MVB12B: variants seen among roughly 807,000 people sequenced by gnomAD.
The protein encoded by MVB12B is ESCRT-I complex subunit MVB12B.
Under a neutral mutation model 41.6 loss-of-function variants are expected in MVB12B, and 16 were observed. The observed-to-expected ratio is 0.38, with a 90% CI of 0.26 to 0.58. MVB12B has a LOEUF of 0.58. MVB12B is among the 20% of genes least tolerant of loss of function. The pLI is 0.62. For synonymous variants in MVB12B, 133 were observed against 139.7 expected (o/e 0.95, Z 0.34); for missense variants, 274 against 380.2 (o/e 0.72, Z 2.32).
At chr9:126,499,360 C>G (rs1388787242) in intron 9 of MVB12B, among the ~76,000 whole-genome samples, 10 of 152,120 alleles carry the variant, frequency 6.6e-5, no homozygotes, top group Non-Finnish European at 1.5e-4. Flanking sequence ...GGCCTGTGCC[C>G]ACCAGAGGGC....
chr9:126,502,180 T>C (rs10987308), intron 9 of MVB12B, among the ~76,000 whole-genome samples: 83,415 of 152,040 alleles, frequency 0.55, 24,027 homozygotes, highest in African/African-American at 0.74. Context: ...CATGTGACCA[T>C]GAGGCTGCCT....
intron 3 of MVB12B, among the ~76,000 whole-genome samples, chr9:126,382,233 C>T (rs1480211124): frequency 6.6e-6 from 1 of 152,088 alleles, no homozygotes; most frequent in African/African-American, 2.4e-5. Context: ...GGCGTGTCCC[C>T]TTGGTGTTTT....
At chr9:126,408,995 G>C (rs1238558267) in intron 6 of MVB12B, among the ~76,000 whole-genome samples, 1 of 152,052 alleles carries the variant, frequency 6.6e-6, no homozygotes, top group Non-Finnish European at 1.5e-5. Context: ...GCGGGGTTTG[G>C]ATGGCCACCT....
At chr9:126,460,194 G>A (rs937212890) in intron 7 of MVB12B, among the ~76,000 whole-genome samples, 1 of 152,136 alleles carries the variant, frequency 6.6e-6, no homozygotes, top group Non-Finnish European at 1.5e-5. Flanking sequence ...TCGGCAGGGT[G>A]GACAAGGCTC....
chr9:126,366,884 A>G (rs530419753), intron 2 of MVB12B, among the ~76,000 whole-genome samples: 2 of 152,272 alleles, frequency 1.3e-5, no homozygotes, highest in Non-Finnish European at 2.9e-5. Context: ...GGACAAGCCC[A>G]CAAATCGTGA....
At position 126,466,270 on chromosome 9, in the gene MVB12B, G is replaced by A. The variant is rs79530203; in HGVS notation, c.758-15099G>A. ...CTGGGGATGCTCGTGTTTGCTCCAC[G>A]TGATCTCTCAGGCTCCAGGAGGCTT... On this transcript the variant is annotated intron_variant, in intron 7 of 9. Transcript: ENST00000361171. Among the ~76,000 whole-genome samples the A allele has an allele frequency of 4.6e-5, 7 of 152,278 alleles. No individual in the cohort carries two copies. The East Asian group carries it at 7.7e-4, about 17-fold the overall frequency.
At chr9:126,375,599 C>T (rs1298671828) in intron 2 of MVB12B, among the ~76,000 whole-genome samples, 1 of 152,086 alleles carries the variant, frequency 6.6e-6, no homozygotes, top group Non-Finnish European at 1.5e-5. Flanking sequence ...TGTGTGGGTT[C>T]TGTTTCCTGG....
At chr9:126,453,503 G>A (rs1457862835) in intron 7 of MVB12B, among the ~76,000 whole-genome samples, 3 of 152,194 alleles carry the variant, frequency 2.0e-5, no homozygotes, top group Non-Finnish European at 4.4e-5. Flanking sequence ...CTGCCTGTGT[G>A]GGCTGTAGAG....
In MVB12B at chr9:126,395,780, T is replaced by C; in HGVS notation, c.662+83T>C. On this transcript the variant is annotated intron_variant, in intron 6 of 9. Transcript: ENST00000361171. This position sits in a 1 kb window ranked among gnomAD's most constrained non-coding sequence, Gnocchi z 4.9. ...TTTTAGAACACCACCACTTAGTGTC[T>C]GCTGAAATACTGCAAAGTACAGCTG... 1 of 1,571,724 alleles carries C rather than the reference T, an allele frequency of 6.4e-7. No individual in the cohort carries two copies. The highest frequency in any genetic ancestry group is 8.6e-7 in the Non-Finnish European group (1 of 1,160,034).
chr9:126,466,575 C>G (rs547773962), intron 7 of MVB12B, among the ~76,000 whole-genome samples: 1 of 152,310 alleles, frequency 6.6e-6, no homozygotes, highest in East Asian at 1.9e-4. Flanking sequence ...TTTTTGCCAT[C>G]TACCACTGCA....
At chr9:126,426,447 T>C (rs943272118) in intron 7 of MVB12B, among the ~76,000 whole-genome samples, 1 of 152,212 alleles carries the variant, frequency 6.6e-6, no homozygotes, top group Non-Finnish European at 1.5e-5. Context: ...TGTTGATTTC[T>C]CTAGGTTCTA....
At chr9:126,476,077 C>T (rs926542062) in intron 7 of MVB12B, among the ~76,000 whole-genome samples, 10 of 152,154 alleles carry the variant, frequency 6.6e-5, no homozygotes, top group Non-Finnish European at 7.4e-5. Flanking sequence ...AGGGGTGGAG[C>T]GAGGCCGTCA....
chr9:126,434,397 C>T (rs535374239), intron 7 of MVB12B, among the ~76,000 whole-genome samples: 36 of 152,256 alleles, frequency 2.4e-4, no homozygotes, highest in African/African-American at 7.9e-4. Flanking sequence ...AGGTTGAGAT[C>T]CTTTGTTAGA....
chr9:126,331,716 G>A (rs2118785569), intron 1 of MVB12B, among the ~76,000 whole-genome samples: 1 of 152,350 alleles, frequency 6.6e-6, no homozygotes, highest in Non-Finnish European at 1.5e-5. Flanking sequence ...AGGTTGTACA[G>A]TAAGTGTCAG....
rs752704159 is a variant in MVB12B, at chr9:126,395,527, A to G, written c.540-48A>G. The stretch of plus-strand genomic sequence containing the variant: ...TTGGTTTGCTTTGTCACTCAGGTAA[A>G]TGCTTTGTGCTAACCAGAGCCATGA... On this transcript the variant is annotated intron_variant, in intron 5 of 9. Transcript: ENST00000361171. This position sits in a 1 kb window ranked among gnomAD's most constrained non-coding sequence, Gnocchi z 4.9. 1.9e-6 allele frequency: 3 copies of G among 1,603,566 alleles called. No individual in the cohort carries two copies. The highest frequency in any genetic ancestry group is 2.6e-6 in the Non-Finnish European group (3 of 1,174,172).
At chr9:126,450,672 CTCT>C (rs1832871986) in intron 7 of MVB12B, among the ~76,000 whole-genome samples, 1 of 152,202 alleles carries the variant, frequency 6.6e-6, no homozygotes, top group South Asian at 2.1e-4. Context: ...CACCCAAACT[CTCT>C]TCAAGTCTCA....
At chr9:126,470,528 G>A (rs1399849928) in intron 7 of MVB12B, among the ~76,000 whole-genome samples, 1 of 152,168 alleles carries the variant, frequency 6.6e-6, no homozygotes, top group East Asian at 1.9e-4. Flanking sequence ...GAAGGAGGAG[G>A]TGGGGGGGCT....
At chr9:126,418,757 C>T (rs1831904135) in intron 6 of MVB12B, among the ~76,000 whole-genome samples, 1 of 152,082 alleles carries the variant, frequency 6.6e-6, no homozygotes. Context: ...GAGTGCTCAC[C>T]CCTCCTCCCT....
chr9:126,471,733 C>T (rs2417020), intron 7 of MVB12B, among the ~76,000 whole-genome samples: 7 of 152,116 alleles, frequency 4.6e-5, no homozygotes, highest in African/African-American at 1.4e-4. Context: ...AGGAAAGGGG[C>T]GAAGAAAGGC....
Sources: gnomAD v4.1 joint callset for allele counts (sites outside exome capture counted in the v4.1 genomes callset) on GRCh38, gnomAD v4.1.1 for gene constraint, Gnocchi (gnomAD v3.1) non-coding constraint, MANE v1.5 for transcripts, NCBI Gene and HGNC (gene_info 2026-07-23, HGNC 2026-07-21) for gene names.